The following NELL2 variants were observed in gnomAD, a reference collection of about 807,000 sequenced individuals.
The protein encoded by NELL2 is neural EGFL like 2.
Under a neutral mutation model 109.6 loss-of-function variants are expected in NELL2, and 41 were observed. The observed-to-expected ratio is 0.37, with a 90% CI of 0.29 to 0.49. The LOEUF (loss-of-function observed/expected upper bound fraction) is 0.49, where lower values mean the gene tolerates loss of function less well. Ranked by LOEUF, NELL2 falls within the 20% of genes least tolerant of loss-of-function variation. The pLI is 0.98. For synonymous variants in NELL2, 355 were observed against 344.7 expected, an observed-to-expected ratio of 1.03 and a Z score of -0.33; for missense variants, 900 against 1,008.3, an observed-to-expected ratio of 0.89 and a Z score of 1.45.
intron 3 of NELL2, among the ~76,000 whole-genome samples, chr12:44,785,329 G>A (rs1942122257): frequency 1.3e-5 from 2 of 152,256 alleles, no homozygotes; most frequent in South Asian, 4.2e-4. Flanking sequence ...TACAAGGGAT[G>A]CGAAGGACCT....
At chr12:44,663,151 A>G (rs920702884) in intron 13 of NELL2, among the ~76,000 whole-genome samples, 1 of 152,178 alleles carries the variant, frequency 6.6e-6, no homozygotes, top group African/African-American at 2.4e-5. Flanking sequence ...TACAGACCCT[A>G]ATATCAAAGT....
intron 12 of NELL2, among the ~76,000 whole-genome samples, chr12:44,684,396 G>T (rs1043674886): frequency 3.3e-5 from 5 of 152,002 alleles, no homozygotes; most frequent in Admixed American, 1.3e-4. Flanking sequence ...TTTTTGAAGG[G>T]TTTTTTGTGT....
intron 13 of NELL2, among the ~76,000 whole-genome samples, chr12:44,660,693 G>A (rs752143593): frequency 3.3e-5 from 5 of 152,004 alleles, no homozygotes; most frequent in African/African-American, 7.3e-5. Context: ...CTATTCCCAC[G>A]CTAAAGAACT....
chr12:44,715,986 G>A (rs1938466059), intron 9 of NELL2, among the ~76,000 whole-genome samples: 1 of 151,826 alleles, frequency 6.6e-6, no homozygotes, highest in African/African-American at 2.4e-5. Flanking sequence ...TTCTTTTAGA[G>A]ACAGGGTCTT....
rs576576264 is a variant in NELL2, at chr12:44,745,185, G to A, written c.994+29562C>T. Among the ~76,000 whole-genome samples the A allele has an allele frequency of 1.8e-3, 270 of 152,016 alleles. 1 individual carries two copies. Among genetic ancestry groups the A allele is most frequent in the African/African-American group, 5.8e-3 (242 of 41,472 alleles). Reference sequence around the variant, plus strand: ...AATAAATGTAATCCAGCATATAAACGGAACCAAAGACAAAAACCATGATTA... The same window carrying A: ...AATAAATGTAATCCAGCATATAAACAGAACCAAAGACAAAAACCATGATTA... On this transcript the variant is annotated intron_variant, in intron 9 of 19. Transcript: ENST00000429094.
At chr12:44,520,995 TAGAA>T (rs1941500837) in intron 18 of NELL2, among the ~76,000 whole-genome samples, 2 of 152,130 alleles carry the variant, frequency 1.3e-5, no homozygotes, top group African/African-American at 2.4e-5. Flanking sequence ...CTCACACAAA[TAGAA>T]AGAAACTGGC....
At chr12:44,651,800 C>T (rs1947309699) in intron 13 of NELL2, among the ~76,000 whole-genome samples, 1 of 152,066 alleles carries the variant, frequency 6.6e-6, no homozygotes, top group South Asian at 2.1e-4. Flanking sequence ...GTGAAACAGG[C>T]TGGCTATAAG....
At chr12:44,914,841 A>T (rs1250692852), upstream of NELL2, among the ~76,000 whole-genome samples, 1 of 149,562 alleles carries the variant, frequency 6.7e-6, no homozygotes, top group East Asian at 2.0e-4. Context: ...GGCTGGATTC[A>T]GTAAAAAAGA....
At position 44,703,854 on chromosome 12, in the gene NELL2, C is replaced by G. The variant is rs1403332819; in HGVS notation, c.1190G>C (p.Gly397Ala). ...ATGCCTTTCAGAACAAAAGTCATAA[C>G]CTACAGAAAAAAAAAGAAATTTATT... ...LSHSCCKVCK[G>A]YDFCSERHNC... Residue 397 changes from glycine (G) to alanine (A), a missense_variant and splice_region_variant, in exon 12 of 20, where the codon GGT becomes GCT. By Grantham distance (60) the Gly-to-Ala change is moderately conservative (BLOSUM62 0). Transcript: ENST00000429094. 1 of 1,603,458 alleles carries G rather than the reference C, an allele frequency of 6.2e-7. No individual in the cohort carries two copies. Among genetic ancestry groups the G allele is most frequent in the African/African-American group, 1.4e-5 (1 of 72,334 alleles).
At chr12:44,717,909 A>G (rs1938572903) in intron 9 of NELL2, among the ~76,000 whole-genome samples, 1 of 152,144 alleles carries the variant, frequency 6.6e-6, no homozygotes, top group African/African-American at 2.4e-5. Context: ...CTCCTGGGGG[A>G]CAGAGGACAA....
intron 9 of NELL2, among the ~76,000 whole-genome samples, chr12:44,738,395 T>C (rs1170156982): frequency 6.6e-6 from 1 of 151,376 alleles, no homozygotes; most frequent in Non-Finnish European, 1.5e-5. Flanking sequence ...TACAGAAACA[T>C]GGAAACAACC....
At chr12:44,538,310 C>T (rs926846985) in intron 15 of NELL2, among the ~76,000 whole-genome samples, 6 of 152,150 alleles carry the variant, frequency 3.9e-5, no homozygotes, top group Non-Finnish European at 8.8e-5. Flanking sequence ...AGGAATAATA[C>T]TTTCCCTCTT....
Position 44,876,112 on chromosome 12 carries a change from G to C in NELL2, c.-243C>G. 7.6e-7 allele frequency: 1 copy of C among 1,322,876 alleles called. No homozygotes were observed. Among genetic ancestry groups the C allele is most frequent in the African/African-American group, 1.5e-5 (1 of 67,450 alleles). The allele number at this position is 1,322,876 out of a possible 1,614,324, so 81.9% of individuals were successfully genotyped here. ...CCACACGCAGGGCCGAGGCGGCAGCGCGGCCCGGAGGGGGCCCGGAGGGAG... is the reference window on the plus strand; with the variant it reads ...CCACACGCAGGGCCGAGGCGGCAGCCCGGCCCGGAGGGGGCCCGGAGGGAG... On this transcript the variant is annotated 5_prime_UTR_variant, in exon 1 of 20. Coordinates refer to ENST00000429094, the MANE Select transcript of NELL2 (RefSeq NM_001145108.2).
intron 15 of NELL2, among the ~76,000 whole-genome samples, chr12:44,605,537 T>C (rs1020962737): frequency 3.3e-5 from 5 of 152,182 alleles, no homozygotes; most frequent in Non-Finnish European, 5.9e-5. Context: ...TTGGGTTATT[T>C]TTAACTCCAG....
At chr12:44,579,557 T>G (rs1464033326) in intron 15 of NELL2, among the ~76,000 whole-genome samples, 1 of 152,156 alleles carries the variant, frequency 6.6e-6, no homozygotes. Flanking sequence ...ACTCTAAAAT[T>G]TATATTCCCA....
intron 12 of NELL2, among the ~76,000 whole-genome samples, chr12:44,688,690 T>G (rs1207908937): frequency 6.6e-6 from 1 of 152,218 alleles, no homozygotes; most frequent in African/African-American, 2.4e-5. Flanking sequence ...TTTGATTTGA[T>G]CCATACAAAT....
At chr12:44,591,092 T>C (rs182012144) in intron 15 of NELL2, among the ~76,000 whole-genome samples, 1 of 152,212 alleles carries the variant, frequency 6.6e-6, no homozygotes, top group East Asian at 1.9e-4. Context: ...CTTACCACAG[T>C]TAGAATGGCT....
intron 15 of NELL2, among the ~76,000 whole-genome samples, chr12:44,592,172 T>A (rs569808858): frequency 6.6e-6 from 1 of 152,166 alleles, no homozygotes; most frequent in Admixed American, 6.5e-5. Context: ...TCCCTAAGCA[T>A]TGGTTTTAAA....
intron 9 of NELL2, among the ~76,000 whole-genome samples, chr12:44,730,988 A>G (rs78632286): frequency 0.026 from 4,021 of 152,150 alleles, 177 homozygotes; most frequent in African/African-American, 0.091. Flanking sequence ...ACTACTCCTA[A>G]TAATTATAAC....
Sources: gnomAD v4.1 joint callset for allele counts (sites outside exome capture counted in the v4.1 genomes callset) on GRCh38, gnomAD v4.1.1 for gene constraint, MANE v1.5 for transcripts, NCBI Gene and HGNC (gene_info 2026-07-23, HGNC 2026-07-21) for gene names.